The following GSE1 variants were observed in gnomAD, a reference collection of about 807,000 sequenced individuals.
The protein encoded by GSE1 is Gse1 coiled-coil protein, also known as genetic suppressor element 1.
A neutral mutation model predicts 112.6 loss-of-function variants in GSE1; 32 were observed. The ratio of observed to expected loss-of-function variants is 0.28; its 90% CI spans 0.21 to 0.38. The LOEUF (loss-of-function observed/expected upper bound fraction) is 0.38, where lower values mean the gene tolerates loss of function less well. Ranked by LOEUF, GSE1 falls within the 10% of genes least tolerant of loss-of-function variation. The pLI, the probability that GSE1 is intolerant of heterozygous loss-of-function variation, is 1.00. For synonymous variants in GSE1, 1,115 were observed against 735.6 expected, an observed-to-expected ratio of 1.52 and a Z score of -8.35; for missense variants, 2,348 against 1,699.2, an observed-to-expected ratio of 1.38 and a Z score of -6.71.
intron 1 of GSE1, among the ~76,000 whole-genome samples, chr16:85,266,913 T>G (rs4310841): frequency 6.6e-6 from 1 of 152,092 alleles, no homozygotes; most frequent in East Asian, 1.9e-4. Context: ...TCCCCCTTGG[T>G]CCCCCATTTC....
chr16:85,455,197 C>G (rs1319567741), intron 2 of GSE1, among the ~76,000 whole-genome samples: 1 of 152,188 alleles, frequency 6.6e-6, no homozygotes, highest in East Asian at 1.9e-4. Flanking sequence ...ACCCAGGGTC[C>G]CTCTTCACAG....
intron 8 of GSE1, 68 bp downstream of exon 8, chr16:85,657,672 C>T (rs985224931): frequency 2.7e-6 from 3 of 1,118,776 alleles, no homozygotes; most frequent in South Asian, 1.8e-5. Context: ...GTGTATTGAG[C>T]ACCTCCTGTT....
At chr16:85,194,066 C>T (rs2074880337) in intron 1 of GSE1, among the ~76,000 whole-genome samples, 1 of 152,232 alleles carries the variant, frequency 6.6e-6, no homozygotes, top group African/African-American at 2.4e-5. Flanking sequence ...TGCCCAGGCT[C>T]ATGCGGCCAG....
intron 1 of GSE1, among the ~76,000 whole-genome samples, chr16:85,562,312 C>T (rs1168160517): frequency 1.3e-5 from 2 of 152,196 alleles, no homozygotes; most frequent in Admixed American, 1.3e-4. Flanking sequence ...GCCCTTTTGT[C>T]CCAGCTGCAG....
At chr16:85,301,216 G>A (rs776022047) in intron 1 of GSE1, among the ~76,000 whole-genome samples, 4 of 152,208 alleles carry the variant, frequency 2.6e-5, no homozygotes, top group African/African-American at 9.7e-5. Flanking sequence ...CTCCCAGGTC[G>A]AGCCCGTGTT....
intron 1 of GSE1, among the ~76,000 whole-genome samples, chr16:85,598,578 C>G (rs73271208): frequency 6.6e-6 from 1 of 152,182 alleles, no homozygotes; most frequent in Admixed American, 6.5e-5. Context: ...CCGTAGTGCC[C>G]GGACCCCGGG....
chr16:85,633,380 G>A (rs1331119431), intron 1 of GSE1, among the ~76,000 whole-genome samples: 2 of 152,182 alleles, frequency 1.3e-5, no homozygotes, highest in Non-Finnish European at 2.9e-5. Flanking sequence ...TTTCTGTAAC[G>A]TGGGGCAGAA....
intron 1 of GSE1, among the ~76,000 whole-genome samples, chr16:85,614,081 GC>G (rs2048200051): frequency 1.3e-5 from 1 of 75,772 alleles, no homozygotes; most frequent in South Asian, 3.8e-4. Flanking sequence ...GCGGCTCCCT[GC>G]CCCTCCCCTC....
chr16:85,651,246 C>T (rs949823940), intron 3 of GSE1, among the ~76,000 whole-genome samples: 7 of 151,960 alleles, frequency 4.6e-5, no homozygotes, highest in Non-Finnish European at 1.0e-4. Context: ...GCCGAGCCTG[C>T]CGGGCCTTGC....
At chr16:85,544,624 C>T (rs577761325) in intron 2 of GSE1, among the ~76,000 whole-genome samples, 15 of 152,316 alleles carry the variant, frequency 9.8e-5, no homozygotes, top group Admixed American at 4.6e-4. Context: ...TCATAGAAAC[C>T]ACATCTTGTT....
chr16:85,357,859 T>C (rs553465653), intron 2 of GSE1, among the ~76,000 whole-genome samples: 2 of 152,296 alleles, frequency 1.3e-5, no homozygotes, highest in East Asian at 3.9e-4. Context: ...TCAACATCCC[T>C]GGTTCTCGAT....
chr16:85,607,382 G>A (rs1329753012), upstream of GSE1, among the ~76,000 whole-genome samples: 8 of 152,230 alleles, frequency 5.3e-5, no homozygotes, highest in East Asian at 1.9e-4. Context: ...TTCCAGCCGC[G>A]GTGGCGGCGT....
rs113017885 is a variant in GSE1, at chr16:85,451,754, C to T, written c.2464+94111C>T. Among the ~76,000 whole-genome samples the T allele has an allele frequency of 8.5e-4, 28 of 32,758 alleles. 3 individuals are homozygous for T. The East Asian group carries it at 8.9e-3, about 10-fold the overall frequency. 21.5% of individuals were successfully genotyped at this position (32,758 alleles called of 152,430 possible). A position where few individuals can be genotyped will look rare whatever the true frequency, so the allele number is the denominator to read the frequency against. ...TGTGTGTGCTGGTGGTTGGTGCGTG[C>T]GCTGGTGGTGGTTGGTGCGTGCGCT... On this transcript the variant is annotated intron_variant, in intron 2 of 2. Transcript: ENST00000637419.
chr16:85,343,301 C>T (rs1047302236), intron 1 of GSE1, among the ~76,000 whole-genome samples: 18 of 152,204 alleles, frequency 1.2e-4, no homozygotes, highest in Admixed American at 7.2e-4. Context: ...TTGAGGTGAC[C>T]GAGTTCTAGA....
chr16:85,368,081 C>T (rs1001459075), intron 2 of GSE1, among the ~76,000 whole-genome samples: 9 of 152,050 alleles, frequency 5.9e-5, no homozygotes, highest in Non-Finnish European at 1.3e-4. Flanking sequence ...CTCGAACTCT[C>T]GACCTCAGGT....
rs369276360 is a variant in GSE1 at position 85,289,784 on chromosome 16, G to T, written c.2284-67679G>T. 1.3e-4 allele frequency among the ~76,000 whole-genome samples: 20 copies of T among 152,292 alleles called. No individual in the cohort carries two copies. The South Asian group carries it at 4.1e-3, about 32-fold the overall frequency. On this transcript the variant is annotated intron_variant, in intron 1 of 2. Coordinates refer to the GSE1 transcript ENST00000637419. ...AGGAACCCAGGCCGGGCTGGTCTTT[G>T]TCCCTCAACTGGTTCAGCCTCTGGC...
At chr16:85,335,831 G>A (rs1270346037) in intron 1 of GSE1, among the ~76,000 whole-genome samples, 4 of 146,108 alleles carry the variant, frequency 2.7e-5, no homozygotes, top group African/African-American at 7.5e-5. Flanking sequence ...GCAGCCGGGC[G>A]CGCTGGGAGC....
chr16:85,304,258 G>A (rs1266705683), intron 1 of GSE1, among the ~76,000 whole-genome samples: 3 of 152,240 alleles, frequency 2.0e-5, no homozygotes, highest in African/African-American at 7.2e-5. Flanking sequence ...TCACTCGGCT[G>A]CGTGGTGGAG....
intron 2 of GSE1, among the ~76,000 whole-genome samples, chr16:85,529,381 C>G (rs974269016): frequency 2.0e-5 from 3 of 152,218 alleles, no homozygotes; most frequent in Non-Finnish European, 4.4e-5. Context: ...TTCTTAGCTC[C>G]TACACAGTAT....
Sources: gnomAD v4.1 joint callset for allele counts (sites outside exome capture counted in the v4.1 genomes callset) on GRCh38, gnomAD v4.1.1 for gene constraint, MANE v1.5 for transcripts, NCBI Gene and HGNC (gene_info 2026-07-23, HGNC 2026-07-21) for gene names.